Variants in GRIN2A observed in about 807,000 individuals in gnomAD.
GRIN2A encodes the protein glutamate ionotropic receptor NMDA type subunit 2A, also known as glutamate receptor ionotropic, NMDA 2A.
In GRIN2A, 22 loss-of-function variants were observed where a neutral mutation model predicts 113.4. The observed-to-expected ratio is 0.19, with a 90% CI of 0.14 to 0.28. The LOEUF (loss-of-function observed/expected upper bound fraction) is 0.28. Among genes scored for constraint, GRIN2A ranks in the 10% least tolerant of loss-of-function variants. GRIN2A has a pLI of 1.00. For synonymous variants in GRIN2A, 827 were observed against 738.4 expected (o/e 1.12, Z -1.94); for missense variants, 1,502 against 1,887.0 (o/e 0.80, Z 3.78).
chr16:10,002,109 G>T (rs1484799126), intron 2 of GRIN2A, among the ~76,000 whole-genome samples: 1 of 152,198 alleles, frequency 6.6e-6, no homozygotes, highest in African/African-American at 2.4e-5. Context: ...CTTACCAGGT[G>T]AACCTTGAGA....
intron 11 of GRIN2A, among the ~76,000 whole-genome samples, chr16:9,792,573 T>G (rs1356042265): frequency 6.6e-6 from 1 of 152,112 alleles, no homozygotes; most frequent in Non-Finnish European, 1.5e-5. Context: ...TTCAAATACT[T>G]CACATATCTA....
At chr16:9,860,128 A>G (rs753295939) in intron 4 of GRIN2A, among the ~76,000 whole-genome samples, 4 of 152,042 alleles carry the variant, frequency 2.6e-5, no homozygotes, top group Non-Finnish European at 4.4e-5. Flanking sequence ...CTAATCTGGA[A>G]GAGAATCCAA....
chr16:9,994,212 C>A (rs1409198840), intron 2 of GRIN2A, among the ~76,000 whole-genome samples: 36 of 152,146 alleles, frequency 2.4e-4, no homozygotes, highest in Admixed American at 2.4e-3. Context: ...CCAACGCGAA[C>A]TGCTGAAGAG....
intron 2 of GRIN2A, among the ~76,000 whole-genome samples, chr16:9,994,325 T>C (rs977713596): frequency 4.6e-5 from 7 of 152,168 alleles, no homozygotes; most frequent in Non-Finnish European, 7.3e-5. Context: ...ATCTTCTCTG[T>C]ACTCAGGCCT....
Position 9,901,439 on chromosome 16 carries a change from G to A in GRIN2A, c.1008-10339C>T, listed in dbSNP as rs142398792. 3.3e-4 allele frequency among the ~76,000 whole-genome samples: 50 copies of A among 152,142 alleles called. No homozygotes were observed. In the South Asian group the frequency reaches 4.8e-3, roughly 15 times the overall value. ...GTTAATATGTTGTTCTTTTTTATACGATATTATTTGGGGAAAATACATATT... is the reference window on the plus strand; with the variant it reads ...GTTAATATGTTGTTCTTTTTTATACAATATTATTTGGGGAAAATACATATT... On this transcript the variant is annotated intron_variant, in intron 3 of 12. Coordinates refer to ENST00000330684, the MANE Select transcript of GRIN2A (RefSeq NM_001134407.3).
At chr16:10,085,809 G>C (rs1308005414) in intron 2 of GRIN2A, among the ~76,000 whole-genome samples, 1 of 152,172 alleles carries the variant, frequency 6.6e-6, no homozygotes, top group Non-Finnish European at 1.5e-5. Context: ...GTTTCTCTGG[G>C]ATCCCCCTGG....
chr16:9,857,400 T>TG (rs2042988066), intron 4 of GRIN2A, among the ~76,000 whole-genome samples: 1 of 152,256 alleles, frequency 6.6e-6, no homozygotes. Flanking sequence ...GAGAAGTCAC[T>TG]GGACTATCTT....
At chr16:9,849,985 A>C in intron 4 of GRIN2A, 24 bp from the exon 5 acceptor site, 1 of 1,598,512 alleles carries the variant, frequency 6.3e-7, no homozygotes, top group Non-Finnish European at 8.6e-7. Context: ...ACAAAGACAC[A>C]GCTGTGCTTT....
At chr16:9,769,126 A>C in intron 11 of GRIN2A, 37 bp from the exon 12 acceptor site, 1 of 1,502,938 alleles carries the variant, frequency 6.7e-7, no homozygotes, top group Non-Finnish European at 9.3e-7. Flanking sequence ...AGTGAGGACC[A>C]GAACATGCAC....
At chr16:9,798,708 T>G (rs1347523852) in intron 10 of GRIN2A, among the ~76,000 whole-genome samples, 1 of 152,222 alleles carries the variant, frequency 6.6e-6, no homozygotes, top group Non-Finnish European at 1.5e-5. Flanking sequence ...TATACCCAAG[T>G]GAGTAAACAG....
rs1306734992 is a variant in GRIN2A, at chr16:9,763,428, C to A, written c.4116G>T (p.Arg1372Ser). 1.2e-6 allele frequency: 2 copies of A among 1,614,042 alleles called. No homozygotes were observed. The highest frequency in any genetic ancestry group is 8.5e-7 in the Non-Finnish European group (1 of 1,179,990). ...TCCCAATAACCAAGCGTTGGTCATC[C>A]CTGTGGGAGTGGAGGAAAGGGTTAT... The part of the protein sequence containing the change: ...TSDNPFLHSH[R>S]DDQRLVIGRC... Residue 1372 changes from arginine to serine, a missense_variant, in exon 13 of 13, where the codon AGG becomes AGT. By Grantham distance (110) the Arg-to-Ser change is moderately radical (BLOSUM62 -1). Transcript: ENST00000330684.
intron 3 of GRIN2A, among the ~76,000 whole-genome samples, chr16:9,899,440 CA>C (rs71157791): frequency 0.012 from 76 of 6,200 alleles, no homozygotes; most frequent in African/African-American, 0.019. Flanking sequence ...AACTCCGTCT[CA>C]AAAAAAAAAA....
At chr16:9,989,991 A>G (rs1324359973) in intron 2 of GRIN2A, among the ~76,000 whole-genome samples, 1 of 152,244 alleles carries the variant, frequency 6.6e-6, no homozygotes, top group South Asian at 2.1e-4. Flanking sequence ...TCAAAGAACT[A>G]AAAATAGAAT....
chr16:10,107,830 A>C (rs1037694684), intron 2 of GRIN2A, among the ~76,000 whole-genome samples: 1 of 152,158 alleles, frequency 6.6e-6, no homozygotes, highest in African/African-American at 2.4e-5. Context: ...TTTCACAGGC[A>C]TTTTTCAGTG....
chr16:9,888,636 T>C (rs997008671), intron 4 of GRIN2A, among the ~76,000 whole-genome samples: 4 of 152,008 alleles, frequency 2.6e-5, no homozygotes, highest in Non-Finnish European at 1.5e-5. Flanking sequence ...GCTTATTTAA[T>C]ATATATATTT....
Position 9,822,198 on chromosome 16 carries a change from G to A in GRIN2A, c.2168+66C>T, listed in dbSNP as rs1022853983. 5.7e-5 allele frequency: 86 copies of A among 1,512,070 alleles called. No homozygotes were observed. In the Admixed American group the frequency reaches 1.1e-3, roughly 19 times the overall value. The allele number at this position is 1,512,070 out of a possible 1,614,324, so 93.7% of individuals were successfully genotyped here. A position where few individuals can be genotyped will look rare whatever the true frequency, so the allele number is the denominator to read the frequency against. On this transcript the variant is annotated intron_variant, in intron 10 of 12. Coordinates refer to ENST00000330684, the MANE Select transcript of GRIN2A (RefSeq NM_001134407.3). ...GAGCAGATAGGAACTGAGGCATGCC[G>A]AGAGTCAATTTCTGTAAGGTTTATC...
rs1900325292 is a variant in GRIN2A at position 9,755,733 on chromosome 16, T to C, written c.*7416A>G. The C allele has an allele frequency of 9.5e-6, 2 of 210,442 alleles. No homozygotes were observed. Among genetic ancestry groups the C allele is most frequent in the East Asian group, 1.4e-4 (2 of 14,224 alleles). The allele number at this position is 210,442 out of a possible 1,614,324, so 13.0% of individuals were successfully genotyped here. On this transcript the variant is annotated 3_prime_UTR_variant, in exon 13 of 13. Coordinates refer to ENST00000330684, the MANE Select transcript of GRIN2A (RefSeq NM_001134407.3). ...GCAGGATATGTTAAACATTAGGCCA[T>C]TCTGGGTACCTATAAAGCCCGGTGG...
At chr16:10,101,424 C>G (rs529136145) in intron 2 of GRIN2A, among the ~76,000 whole-genome samples, 1 of 152,178 alleles carries the variant, frequency 6.6e-6, no homozygotes, top group Non-Finnish European at 1.5e-5. Flanking sequence ...TATCTCTTGT[C>G]CCAAAGGATG....
chr16:9,762,997 C>T lies in GRIN2A; in HGVS notation c.*152G>A, dbSNP rs1331692438. On this transcript the variant is annotated 3_prime_UTR_variant, in exon 13 of 13. Transcript: ENST00000330684. ...TTGAGTGGAAGATTATGGCATGAAG[C>T]CGTGTGCAAAAGAGCCAACAACAAC... 2.8e-6 allele frequency: 2 copies of T among 724,248 alleles called. No homozygotes were observed. Among genetic ancestry groups the T allele is most frequent in the East Asian group, 5.3e-5 (2 of 37,660 alleles). The allele number at this position is 724,248 out of a possible 1,614,324, so 44.9% of individuals were successfully genotyped here.
Sources: allele counts gnomAD v4.1 joint callset (sites outside exome capture counted in the v4.1 genomes callset), GRCh38; gene constraint gnomAD v4.1.1; transcripts MANE v1.5; gene names NCBI Gene and HGNC (gene_info 2026-07-23, HGNC 2026-07-21).